Variants in PLEKHM2 observed in about 807,000 individuals in gnomAD.
The protein encoded by PLEKHM2 is pleckstrin homology and RUN domain containing M2.
PLEKHM2 carries 77 observed loss-of-function variants against 116.3 expected under a neutral mutation model. The observed-to-expected ratio is 0.66, with a 90% CI of 0.55 to 0.80. The LOEUF (loss-of-function observed/expected upper bound fraction) is 0.80. Ranked by LOEUF, PLEKHM2 falls within the 30% of genes least tolerant of loss-of-function variation. The probability of loss-of-function intolerance (pLI) is 0.00; values close to 1 mark genes in which losing one functional copy is unlikely to be tolerated. For missense variants in PLEKHM2, 1,183 were observed against 1,354.9 expected (o/e 0.87, Z 1.99); for synonymous variants, 562 against 571.0 (o/e 0.98, Z 0.22).
intron 1 of PLEKHM2, among the ~76,000 whole-genome samples, chr1:15,699,588 A>G (rs923857614): frequency 1.3e-5 from 2 of 152,134 alleles, no homozygotes; most frequent in African/African-American, 4.8e-5. Context: ...AATCCAGTCT[A>G]TCATTGATGG....
At chr1:15,698,553 T>TC (rs1641048509) in intron 1 of PLEKHM2, among the ~76,000 whole-genome samples, 1 of 122,608 alleles carries the variant, frequency 8.2e-6, no homozygotes, top group African/African-American at 3.5e-5. Flanking sequence ...TTCTTTCTTT[T>TC]TTTTTTTTTT....
At chr1:15,733,300 A>G (rs1383078455) in intron 19 of PLEKHM2, among the ~76,000 whole-genome samples, 1 of 152,266 alleles carries the variant, frequency 6.6e-6, no homozygotes, top group African/African-American at 2.4e-5. Context: ...CTCAGTTCCA[A>G]TCAAACAGCA....
At chr1:15,706,739 G>A (rs770974906) in intron 1 of PLEKHM2, among the ~76,000 whole-genome samples, 7 of 151,992 alleles carry the variant, frequency 4.6e-5, no homozygotes, top group Non-Finnish European at 5.9e-5. Flanking sequence ...TGGGGGCTCC[G>A]TATTTATAAC....
intron 1 of PLEKHM2, among the ~76,000 whole-genome samples, chr1:15,702,304 G>C (rs1181720751): frequency 6.6e-6 from 1 of 152,222 alleles, no homozygotes; most frequent in Non-Finnish European, 1.5e-5. Context: ...CTGCAGTGCA[G>C]TCTGGCTCGG....
chr1:15,722,073 G>A (rs545368259), intron 7 of PLEKHM2, among the ~76,000 whole-genome samples: 2 of 152,364 alleles, frequency 1.3e-5, no homozygotes, highest in East Asian at 3.9e-4. Context: ...CAAAGGCTAT[G>A]TTGCCAATAA....
chr1:15,684,698 G>GCGACCCTGCTGCCGCAGGGACTC (rs199657435), intron 1 of PLEKHM2, 80 bp downstream of exon 1: 6 of 682,298 alleles, frequency 8.8e-6, no homozygotes, highest in Non-Finnish European at 7.3e-6. Flanking sequence ...TCCCGGGCCG[G>GCGACCCTGCTGCCGCAGGGACTC]GGCCCCCCGC....
At position 15,729,052 on chromosome 1, in the gene PLEKHM2, C is replaced by A; in HGVS notation, c.1987-50C>A. The A allele has an allele frequency of 6.6e-7, 1 of 1,518,552 alleles. No individual in the cohort carries two copies. The highest frequency in any genetic ancestry group is 9.0e-7 in the Non-Finnish European group (1 of 1,111,430). The allele number at this position is 1,518,552 out of a possible 1,614,324, so 94.1% of individuals were successfully genotyped here. A position where few individuals can be genotyped will look rare whatever the true frequency, so the allele number is the denominator to read the frequency against. ...CAGCCTGGCCAAGCTGCCTTCTCCGCCAGGCAGCAGCTAAGCCCCAAGTGC... is the reference window on the plus strand; with the variant it reads ...CAGCCTGGCCAAGCTGCCTTCTCCGACAGGCAGCAGCTAAGCCCCAAGTGC... On this transcript the variant is annotated intron_variant, in intron 12 of 19. Transcript: ENST00000375799. This position sits in a 1 kb window ranked among gnomAD's most constrained non-coding sequence, Gnocchi z 4.7.
rs186684581 is a variant in PLEKHM2, at chr1:15,709,165, T to G, written c.61-7072T>G. On this transcript the variant is annotated intron_variant, in intron 1 of 19. Transcript: ENST00000375799. ...ATGCACAGAGTGTGCACTCAATAAA[T>G]CATGGCCCTAATTGTAGTGGGTATT... 3.3e-5 allele frequency among the ~76,000 whole-genome samples: 5 copies of G among 152,266 alleles called. No individual in the cohort carries two copies. In the East Asian group the frequency reaches 9.7e-4, roughly 29 times the overall value.
At chr1:15,716,650 G>C (rs2148357591) in intron 2 of PLEKHM2, 57 bp from the exon 3 acceptor site, 2 of 1,539,184 alleles carry the variant, frequency 1.3e-6, no homozygotes, top group South Asian at 2.4e-5. Context: ...CCAGCCGACT[G>C]CAGCTTCCCA....
chr1:15,707,519 C>T (rs185649384), intron 1 of PLEKHM2, among the ~76,000 whole-genome samples: 7 of 152,192 alleles, frequency 4.6e-5, no homozygotes, highest in Non-Finnish European at 8.8e-5. Flanking sequence ...ACTTTACACA[C>T]AAAACTTGGA....
Position 15,732,665 on chromosome 1 carries a change from C to T in PLEKHM2, c.2859C>T (p.Ser953=). The change falls in exon 19 of 20, where the codon AGC becomes AGT. Residue 953 remains serine (S), a synonymous_variant. Transcript: ENST00000375799. ...TCCCGCCCTGGGTCATCTACCTGAGCTGCACTTCTGAACTGGACCGATTGC... is the reference window on the plus strand; with the variant it reads ...TCCCGCCCTGGGTCATCTACCTGAGTTGCACTTCTGAACTGGACCGATTGC... ...QLLPPWVIYL[S]CTSELDRLLS... is the part of the protein sequence containing the mutation. 1 of 1,610,616 alleles carries T rather than the reference C, an allele frequency of 6.2e-7. No homozygotes were observed. Among genetic ancestry groups the T allele is most frequent in the South Asian group, 1.1e-5 (1 of 90,486 alleles).
intron 1 of PLEKHM2, among the ~76,000 whole-genome samples, chr1:15,707,483 G>A (rs570752389): frequency 4.6e-5 from 7 of 152,276 alleles, no homozygotes; most frequent in South Asian, 2.1e-4. Flanking sequence ...CACGTGAGCC[G>A]ATGGGAGTGG....
At chr1:15,701,675 C>T (rs1436722261) in intron 1 of PLEKHM2, among the ~76,000 whole-genome samples, 34 of 151,898 alleles carry the variant, frequency 2.2e-4, no homozygotes, top group Admixed American at 2.2e-3. Context: ...CCTGTAGTCC[C>T]AGCTGCTTGG....
At position 15,725,461 on chromosome 1, in the gene PLEKHM2, C is replaced by T. The variant is rs1309837767; in HGVS notation, c.857C>T (p.Thr286Ile). 6.3e-7 allele frequency: 1 copy of T among 1,576,340 alleles called. No individual in the cohort carries two copies. The highest frequency in any genetic ancestry group is 8.6e-7 in the Non-Finnish European group (1 of 1,161,972). The change falls in exon 8 of 20, where the codon ACC (threonine) becomes ATC (isoleucine). Residue 286 changes from threonine to isoleucine, a missense_variant. By Grantham distance (89) the Thr-to-Ile change is moderately conservative. Around this residue, in one of 3 missense-constraint regions of PLEKHM2, gnomAD observed 372 missense variants for 357.2 expected, o/e 1.04. Transcript: ENST00000375799. ...GAGACTGTGTCCTCCTCTGACACCA[C>T]CCCCGTGCACACCACCTCTCAGGAG... is the stretch of plus-strand genomic sequence containing the variant. ...PAETVSSSDT[T>I]PVHTTSQEKE...
chr1:15,721,137 C>T lies in PLEKHM2; in HGVS notation c.653-192C>T. On this transcript the variant is annotated intron_variant, in intron 6 of 19. Coordinates refer to ENST00000375799, the MANE Select transcript of PLEKHM2 (RefSeq NM_015164.4). This position sits in a 1 kb window ranked among gnomAD's most constrained non-coding sequence, Gnocchi z 5.1. Reference sequence around the variant, plus strand: ...TTCCAGCTGGTTGGAGGCTCCTGGGCCAGCGCCTGAGCTGAGAGGCAGTCA... The same window carrying T: ...TTCCAGCTGGTTGGAGGCTCCTGGGTCAGCGCCTGAGCTGAGAGGCAGTCA... 1 of 558,896 alleles carries T rather than the reference C, an allele frequency of 1.8e-6. No homozygotes were observed. The highest frequency in any genetic ancestry group is 2.4e-5 in the South Asian group (1 of 40,966). 34.6% of individuals were successfully genotyped at this position (558,896 alleles called of 1,614,324 possible).
Position 15,734,129 on chromosome 1 carries a change from A to G in PLEKHM2, c.*195A>G. ...GATCAGGTGCCCGGCACCCCTGGGCATCCTGCCCGACAGGTAGCGAATGGA... is the reference window on the plus strand; with the variant it reads ...GATCAGGTGCCCGGCACCCCTGGGCGTCCTGCCCGACAGGTAGCGAATGGA... On this transcript the variant is annotated 3_prime_UTR_variant, in exon 20 of 20. Coordinates refer to ENST00000375799, the MANE Select transcript of PLEKHM2 (RefSeq NM_015164.4). 1 of 619,320 alleles carries G rather than the reference A, an allele frequency of 1.6e-6. No individual in the cohort carries two copies. The highest frequency in any genetic ancestry group is 2.1e-5 in the South Asian group (1 of 47,108). The allele number at this position is 619,320 out of a possible 1,614,324, so 38.4% of individuals were successfully genotyped here. A position where few individuals can be genotyped will look rare whatever the true frequency, so the allele number is the denominator to read the frequency against.
chr1:15,716,046 A>C (rs1342249937), intron 1 of PLEKHM2, among the ~76,000 whole-genome samples, 191 bp from the exon 2 acceptor site: 1 of 152,214 alleles, frequency 6.6e-6, no homozygotes, highest in East Asian at 1.9e-4. Flanking sequence ...GTAAAGATAC[A>C]GCTGTTGCCT....
At chr1:15,732,773 G>C (rs1409400789) in intron 19 of PLEKHM2, 45 bp downstream of exon 19, 16 of 1,333,782 alleles carry the variant, frequency 1.2e-5, no homozygotes, top group Non-Finnish European at 1.7e-5. Context: ...ACCCTGTGGA[G>C]TGGGAGCCAC....
Position 15,728,326 on chromosome 1 carries a change from C to T in PLEKHM2, c.1890C>T (p.Leu630=), listed in dbSNP as rs2068094329. The T allele has an allele frequency of 6.2e-7, 1 of 1,613,180 alleles. No individual in the cohort carries two copies. ...ACCTGCAGCTGCTGTACGTGCTGCT[C>T]ACAGACTGCTATGTCTACCTGCTCC... is the stretch of plus-strand genomic sequence containing the variant. The part of the protein sequence containing the change: ...EGNLQLLYVL[L]TDCYVYLLRK... The change falls in exon 11 of 20, where the codon CTC becomes CTT. Residue 630 remains leucine (L), a synonymous_variant. Transcript: ENST00000375799. This position sits in a 1 kb window ranked among gnomAD's most constrained non-coding sequence, Gnocchi z 5.9.
Sources: allele counts gnomAD v4.1 joint callset (sites outside exome capture counted in the v4.1 genomes callset), GRCh38; gene constraint gnomAD v4.1.1; regional missense constraint gnomAD v4.1.1; non-coding constraint Gnocchi (gnomAD v3.1); transcripts MANE v1.5; gene names NCBI Gene and HGNC (gene_info 2026-07-23, HGNC 2026-07-21).